PPM1B: variants seen among roughly 807,000 people sequenced by gnomAD.
PPM1B encodes protein phosphatase, Mg2+/Mn2+ dependent 1B, also known as protein phosphatase 1B.
Under a neutral mutation model 43.0 loss-of-function variants are expected in PPM1B, and 22 were observed. That is an observed-to-expected ratio of 0.51 (90% confidence interval 0.37 to 0.73). The LOEUF (loss-of-function observed/expected upper bound fraction) is 0.73. Among genes scored for constraint, PPM1B ranks in the 30% least tolerant of loss-of-function variants. PPM1B has a pLI of 0.00. For synonymous variants in PPM1B, 217 were observed against 197.9 expected (o/e 1.10, Z -0.81); for missense variants, 632 against 584.2 (o/e 1.08, Z -0.84).
intron 1 of PPM1B, among the ~76,000 whole-genome samples, chr2:44,173,833 A>G (rs1667461374): frequency 6.6e-6 from 1 of 152,100 alleles, no homozygotes; most frequent in Admixed American, 6.6e-5. Flanking sequence ...AGTCCCAGCT[A>G]CCCCGGAGGC....
downstream of PPM1B, chr2:44,232,617 A>G: frequency 4.0e-6 from 5 of 1,255,292 alleles, no homozygotes; most frequent in Non-Finnish European, 5.0e-6. Context: ...AAACCAGTGG[A>G]GTTATTTCAC....
chr2:44,220,272 A>G (rs1430331830), intron 5 of PPM1B, among the ~76,000 whole-genome samples: 5 of 151,370 alleles, frequency 3.3e-5, no homozygotes, highest in African/African-American at 1.2e-4. Context: ...ACATATATAT[A>G]TATATATATA....
At chr2:44,212,110 G>T (rs1309522362) in intron 3 of PPM1B, among the ~76,000 whole-genome samples, 2 of 152,126 alleles carry the variant, frequency 1.3e-5, no homozygotes, top group East Asian at 3.9e-4. Flanking sequence ...TTTTCTGCCT[G>T]TTTGTTTATA....
intron 1 of PPM1B, among the ~76,000 whole-genome samples, chr2:44,199,311 A>AT (rs1668813815): frequency 7.3e-6 from 1 of 137,770 alleles, no homozygotes; most frequent in Admixed American, 7.0e-5. Context: ...CTCAAAAAAA[A>AT]AAAAAATAAA....
intron 1 of PPM1B, among the ~76,000 whole-genome samples, chr2:44,200,751 T>G (rs1462978096): frequency 4.6e-5 from 7 of 152,236 alleles, no homozygotes; most frequent in Admixed American, 4.6e-4. Context: ...ACAAGATGAC[T>G]CACTGTTTTG....
intron 1 of PPM1B, among the ~76,000 whole-genome samples, chr2:44,175,258 A>C (rs1667527851): frequency 6.6e-6 from 1 of 151,826 alleles, no homozygotes; most frequent in African/African-American, 2.4e-5. Flanking sequence ...TCTCAAAAAA[A>C]ACAAAAGTGG....
chr2:44,202,173 T>G, intron 2 of PPM1B, 128 bp downstream of exon 2: 9 of 897,198 alleles, frequency 1.0e-5, no homozygotes, highest in Non-Finnish European at 1.2e-5. Flanking sequence ...TGAAGTACTT[T>G]ACCAGAAATG....
intron 1 of PPM1B, among the ~76,000 whole-genome samples, chr2:44,180,074 A>G (rs145130844): frequency 1.1e-4 from 17 of 150,970 alleles, no homozygotes; most frequent in African/African-American, 3.9e-4. Flanking sequence ...CAAAATGTGT[A>G]TTTGGATTGA....
chr2:44,188,727 CTTCCTTCCTTCT>C (rs1478635172), intron 1 of PPM1B, among the ~76,000 whole-genome samples: 5 of 142,228 alleles, frequency 3.5e-5, no homozygotes, highest in Admixed American at 2.8e-4. Context: ...TCCTTCCTTC[CTTCCTTCCTTCT>C]TTCCTTCCTT....
chr2:44,194,550 C>T (rs1252676151), intron 1 of PPM1B, among the ~76,000 whole-genome samples: 4 of 151,970 alleles, frequency 2.6e-5, no homozygotes, highest in Non-Finnish European at 4.4e-5. Context: ...GGTGAAACCC[C>T]GTCTCTACTA....
intron 5 of PPM1B, chr2:44,230,157 T>C: frequency 7.0e-7 from 1 of 1,435,802 alleles, no homozygotes; most frequent in Non-Finnish European, 9.1e-7. Context: ...GCTGAGTAAA[T>C]TTCAGATTAA....
intron 1 of PPM1B, among the ~76,000 whole-genome samples, chr2:44,199,312 A>G (rs112655216): frequency 1.5e-5 from 2 of 130,208 alleles, no homozygotes; most frequent in Admixed American, 1.5e-4. Context: ...TCAAAAAAAA[A>G]AAAAATAAAA....
Position 44,184,086 on chromosome 2 carries a change from T to G in PPM1B, c.-15+14812T>G, listed in dbSNP as rs75782096. ...TAGTTGTGTGTCTTTGGCAAGTTCT[T>G]AACCTCATTGTATGTTTCCTTATTT... On this transcript the variant is annotated intron_variant, in intron 1 of 5. Transcript: ENST00000282412. Among the ~76,000 whole-genome samples the G allele has an allele frequency of 3.6e-3, 553 of 152,360 alleles. 3 individuals are homozygous for G. Among genetic ancestry groups the G allele is most frequent in the African/African-American group, 0.013 (533 of 41,590 alleles).
intron 1 of PPM1B, among the ~76,000 whole-genome samples, chr2:44,195,209 T>C (rs1415493123): frequency 2.0e-5 from 3 of 150,604 alleles, no homozygotes; most frequent in African/African-American, 2.4e-5. Flanking sequence ...TTCTTTCTTT[T>C]TTTTTTTTTC....
chr2:44,229,423 C>G (rs1244426019), intron 5 of PPM1B, among the ~76,000 whole-genome samples: 3 of 152,096 alleles, frequency 2.0e-5, no homozygotes, highest in African/African-American at 4.8e-5. Flanking sequence ...GCACATTAAA[C>G]AAGTCTTTAA....
intron 3 of PPM1B, among the ~76,000 whole-genome samples, chr2:44,216,495 G>A (rs955185487): frequency 6.6e-5 from 10 of 152,176 alleles, no homozygotes; most frequent in African/African-American, 1.9e-4. Flanking sequence ...AATAAACATC[G>A]TGTATGTGGG....
At chr2:44,223,974 C>T (rs910578250) in intron 5 of PPM1B, among the ~76,000 whole-genome samples, 1 of 151,982 alleles carries the variant, frequency 6.6e-6, no homozygotes, top group Non-Finnish European at 1.5e-5. Context: ...TTAAATTTGA[C>T]ATGATTCTTC....
intron 1 of PPM1B, among the ~76,000 whole-genome samples, chr2:44,194,688 A>C (rs560182545): frequency 1.3e-5 from 2 of 151,876 alleles, no homozygotes; most frequent in Admixed American, 1.3e-4. Flanking sequence ...GCGCTACTGC[A>C]CTCCAGCCTG....
downstream of PPM1B, among the ~76,000 whole-genome samples, chr2:44,238,735 G>A (rs1670684237): frequency 6.6e-6 from 1 of 151,808 alleles, no homozygotes; most frequent in Non-Finnish European, 1.5e-5. Flanking sequence ...TTTAGGGGGA[G>A]CTTGAGCTAC....
Sources: allele counts gnomAD v4.1 joint callset (sites outside exome capture counted in the v4.1 genomes callset), GRCh38; gene constraint gnomAD v4.1.1; transcripts MANE v1.5; gene names NCBI Gene and HGNC (gene_info 2026-07-23, HGNC 2026-07-21).